Variants in PSD2 observed in about 807,000 individuals in gnomAD.
PSD2 encodes the protein PH and SEC7 domain-containing protein 2.
Under a neutral mutation model 69.8 loss-of-function variants are expected in PSD2, and 38 were observed. That is an observed-to-expected ratio of 0.54 (90% CI 0.42 to 0.71). PSD2 has a LOEUF of 0.71. Among genes scored for constraint, PSD2 ranks in the 30% least tolerant of loss-of-function variants. PSD2 has a pLI of 0.00. For missense variants in PSD2, 943 were observed against 1,014.5 expected (o/e 0.93, Z 0.96); for synonymous variants, 412 against 423.0 (o/e 0.97, Z 0.32).
the PSD2 span, among the ~76,000 whole-genome samples, chr5:139,765,972 T>G: frequency 6.6e-6 from 1 of 152,108 alleles, no homozygotes; most frequent in Non-Finnish European, 1.5e-5. Flanking sequence ...TTCCCTGTCC[T>G]CCTTTTTTGG....
At position 139,842,375 on chromosome 5, in the gene PSD2, T is replaced by A; in HGVS notation, c.2217T>A (p.Asp739Glu). 1 of 1,614,194 alleles carries A rather than the reference T, an allele frequency of 6.2e-7. No homozygotes were observed. Among genetic ancestry groups the A allele is most frequent in the Non-Finnish European group, 8.5e-7 (1 of 1,180,002 alleles). ...IEARLATLEG[D>E]DPSLRKTHSS... Reference sequence around the variant, plus strand: ...CCCGGCTGGCCACTCTGGAAGGGGATGACCCTTCTCTCCGGAAGACACATT... The same window carrying A: ...CCCGGCTGGCCACTCTGGAAGGGGAAGACCCTTCTCTCCGGAAGACACATT... The change falls in exon 15 of 15, where the codon GAT becomes GAA. Residue 739 changes from aspartate to glutamate, a missense_variant. Asp to Glu is a conservative substitution (Grantham distance 45, BLOSUM62 2). Transcript: ENST00000274710.
chr5:139,790,535 G>A, the PSD2 span, among the ~76,000 whole-genome samples: 21 of 152,276 alleles, frequency 1.4e-4, 1 homozygote, highest in African/African-American at 4.6e-4. Flanking sequence ...AAAGGAAGAT[G>A]AGAAGGTGCA....
At chr5:139,835,007 C>T (rs189884788) in intron 8 of PSD2, among the ~76,000 whole-genome samples, 6 of 151,608 alleles carry the variant, frequency 4.0e-5, no homozygotes, top group Non-Finnish European at 8.8e-5. Flanking sequence ...CCCATTCACC[C>T]GTCACCCACA....
chr5:139,807,662 C>T (rs1759846499), intron 1 of PSD2, among the ~76,000 whole-genome samples: 1 of 152,096 alleles, frequency 6.6e-6, no homozygotes, highest in East Asian at 1.9e-4. Flanking sequence ...GGGCGGCGTC[C>T]CAGGTCTGCT....
the PSD2 span, among the ~76,000 whole-genome samples, chr5:139,757,294 A>AAGG: frequency 6.6e-6 from 1 of 152,250 alleles, no homozygotes; most frequent in African/African-American, 2.4e-5. Context: ...CACTGCTTAC[A>AAGG]GCCCTTGGGC....
the PSD2 span, among the ~76,000 whole-genome samples, chr5:139,755,048 A>G: frequency 6.6e-6 from 1 of 152,256 alleles, no homozygotes; most frequent in South Asian, 2.1e-4. Flanking sequence ...AGTCGCAGAC[A>G]GTCCCGTAGG....
chr5:139,747,678 T>G, the PSD2 span, among the ~76,000 whole-genome samples: 1 of 152,188 alleles, frequency 6.6e-6, no homozygotes, highest in East Asian at 1.9e-4. This position sits in a 1 kb window ranked among gnomAD's most constrained non-coding sequence, Gnocchi z 6.7. Flanking sequence ...ATCCCGCCCA[T>G]CTGTGAGCCG....
At chr5:139,787,565 TTGG>T in the PSD2 span, among the ~76,000 whole-genome samples, 1 of 152,356 alleles carries the variant, frequency 6.6e-6, no homozygotes, top group African/African-American at 2.4e-5. Flanking sequence ...CCAGCGTTTG[TTGG>T]TGTTCTCTCC....
intron 8 of PSD2, 105 bp downstream of exon 8, chr5:139,833,896 AG>A: frequency 1.2e-6 from 1 of 851,252 alleles, no homozygotes; most frequent in East Asian, 2.4e-5. Context: ...CCGTTAACAC[AG>A]GGTGCAGGGC....
At chr5:139,823,043 C>T (rs1001737190) in intron 7 of PSD2, among the ~76,000 whole-genome samples, 1 of 152,146 alleles carries the variant, frequency 6.6e-6, no homozygotes, top group African/African-American at 2.4e-5. Context: ...GTGTGCCTCT[C>T]GTCCATGCTA....
intron 14 of PSD2, among the ~76,000 whole-genome samples, chr5:139,840,869 T>C (rs752295450): frequency 7.2e-5 from 11 of 152,194 alleles, no homozygotes; most frequent in Non-Finnish European, 1.0e-4. Context: ...TATTTTAATT[T>C]GGATTTTAAA....
chr5:139,838,287 G>A (rs138095763), intron 12 of PSD2, among the ~76,000 whole-genome samples: 307 of 152,316 alleles, frequency 2.0e-3, no homozygotes, highest in African/African-American at 6.7e-3. Context: ...GGGGAGGGCA[G>A]GAGGGCTGTG....
upstream of PSD2, among the ~76,000 whole-genome samples, chr5:139,791,433 AAAAAC>A (rs935072408): frequency 6.6e-6 from 1 of 152,190 alleles, no homozygotes; most frequent in Admixed American, 6.5e-5. Context: ...AAGAAAAACA[AAAAAC>A]AAAACAAAAC....
the PSD2 span, among the ~76,000 whole-genome samples, chr5:139,744,285 G>A: frequency 9.9e-5 from 15 of 152,104 alleles, no homozygotes; most frequent in African/African-American, 2.4e-4. Context: ...TGGGAGGCTC[G>A]GCCTCCAACT....
upstream of PSD2, among the ~76,000 whole-genome samples, chr5:139,791,233 C>A (rs548729687): frequency 5.1e-4 from 78 of 152,178 alleles, no homozygotes; most frequent in Admixed American, 1.9e-3. Context: ...AAGTCAAGAC[C>A]AGCCTGGGCA....
chr5:139,808,252 C>G (rs1442368136), intron 1 of PSD2, among the ~76,000 whole-genome samples: 2 of 152,158 alleles, frequency 1.3e-5, no homozygotes, highest in African/African-American at 4.8e-5. Context: ...GTTAGCCTAG[C>G]CTAGGTGGGG....
At chr5:139,782,712 C>G in the PSD2 span, among the ~76,000 whole-genome samples, 1 of 151,894 alleles carries the variant, frequency 6.6e-6, no homozygotes, top group African/African-American at 2.4e-5. Context: ...AGGCTGGTCT[C>G]GAACTCCTGA....
Position 139,836,832 on chromosome 5 carries a change from A to G in PSD2, c.1425A>G (p.Lys475=). Residue 475 remains lysine, a synonymous_variant, in exon 10 of 15, where the codon AAA becomes AAG. Transcript: ENST00000274710. ...EWAIDEDELR[K]SLSELVDDKF... is the part of the protein sequence containing the mutation. The stretch of plus-strand genomic sequence containing the variant: ...CTAGTGATGAGGATGAGCTGAGGAA[A>G]TCCCTGTCTGAGCTGGTGGATGACA... The G allele has an allele frequency of 6.2e-7, 1 of 1,614,114 alleles. No individual in the cohort carries two copies.
the PSD2 span, among the ~76,000 whole-genome samples, chr5:139,767,468 C>T: frequency 6.6e-6 from 1 of 152,118 alleles, no homozygotes; most frequent in Non-Finnish European, 1.5e-5. Flanking sequence ...GCATGCACCA[C>T]CATGCCCAGC....
Sources: gnomAD v4.1 joint callset for allele counts (sites outside exome capture counted in the v4.1 genomes callset) on GRCh38, gnomAD v4.1.1 for gene constraint, Gnocchi (gnomAD v3.1) non-coding constraint, MANE v1.5 for transcripts, NCBI Gene and HGNC (gene_info 2026-07-23, HGNC 2026-07-21) for gene names.